Variants in FOXN3 observed in about 807,000 individuals in gnomAD.
FOXN3 encodes the protein forkhead box protein N3.
In FOXN3, 7 loss-of-function variants were observed where a neutral mutation model predicts 38.4. The observed-to-expected ratio is 0.18, with a 90% CI of 0.10 to 0.34. FOXN3 has a LOEUF of 0.34. Ranked by LOEUF, FOXN3 falls within the 10% of genes least tolerant of loss-of-function variation. The pLI, the probability that FOXN3 is intolerant of heterozygous loss-of-function variation, is 1.00. For missense variants in FOXN3, 456 were observed against 613.4 expected, an observed-to-expected ratio of 0.74 and a Z score of 2.71; for synonymous variants, 230 against 242.2, an observed-to-expected ratio of 0.95 and a Z score of 0.47.
intron 2 of FOXN3, among the ~76,000 whole-genome samples, chr14:89,390,309 C>CTA (rs200583711): frequency 0.039 from 4,953 of 127,960 alleles, 101 homozygotes; most frequent in Non-Finnish European, 0.05. Context: ...CTCTCTCTCT[C>CTA]TCTCTATATA....
At chr14:89,389,136 C>A (rs999403961) in intron 2 of FOXN3, among the ~76,000 whole-genome samples, 2 of 152,060 alleles carry the variant, frequency 1.3e-5, no homozygotes, top group African/African-American at 4.8e-5. Context: ...AACTTACAGG[C>A]CCGTTTGGGA....
intron 3 of FOXN3, among the ~76,000 whole-genome samples, chr14:89,346,755 G>A (rs867467137): frequency 3.3e-5 from 5 of 152,072 alleles, no homozygotes; most frequent in African/African-American, 9.7e-5. Flanking sequence ...GGAGAGTTCC[G>A]TCCCACCTCT....
At chr14:89,274,727 A>C (rs1214862584) in intron 4 of FOXN3, among the ~76,000 whole-genome samples, 1 of 152,194 alleles carries the variant, frequency 6.6e-6, no homozygotes, top group Admixed American at 6.5e-5. Flanking sequence ...ACAGCTTGGT[A>C]CTTGTGAGCT....
chr14:89,558,106 T>G (rs1265312916), intron 1 of FOXN3, among the ~76,000 whole-genome samples: 1 of 152,056 alleles, frequency 6.6e-6, no homozygotes, highest in Non-Finnish European at 1.5e-5. Context: ...TAAAATTACT[T>G]TAAAATAGAG....
At chr14:89,226,278 G>A (rs1414173240) in intron 4 of FOXN3, among the ~76,000 whole-genome samples, 1 of 152,052 alleles carries the variant, frequency 6.6e-6, no homozygotes, top group Non-Finnish European at 1.5e-5. Flanking sequence ...AGGCTGGGGT[G>A]CATTTGGTGT....
At chr14:89,335,659 A>C (rs547238352) in intron 3 of FOXN3, among the ~76,000 whole-genome samples, 23 of 152,370 alleles carry the variant, frequency 1.5e-4, no homozygotes, top group Non-Finnish European at 2.4e-4. Flanking sequence ...CTTCAATATC[A>C]AATAAAAGGA....
intron 1 of FOXN3, among the ~76,000 whole-genome samples, chr14:89,445,236 T>C (rs1892469942): frequency 6.6e-6 from 1 of 152,204 alleles, no homozygotes; most frequent in South Asian, 2.1e-4. Context: ...ACTTCTGAAC[T>C]TGAGTTCCCC....
intron 4 of FOXN3, chr14:89,230,681 T>C: frequency 4.1e-6 from 1 of 241,136 alleles, no homozygotes; most frequent in Non-Finnish European, 8.8e-6. Flanking sequence ...TGTGTCTGTT[T>C]CCTTCACTGA....
chr14:89,407,997 T>G (rs1018824464), intron 2 of FOXN3, among the ~76,000 whole-genome samples: 7 of 152,322 alleles, frequency 4.6e-5, no homozygotes, highest in Non-Finnish European at 7.3e-5. Context: ...TTTCCGTGAT[T>G]CAAAAATAAA....
intron 1 of FOXN3, among the ~76,000 whole-genome samples, chr14:89,524,353 G>A (rs1245603289): frequency 2.3e-5 from 2 of 85,310 alleles, no homozygotes; most frequent in African/African-American, 4.4e-5. Flanking sequence ...CCAGCCTGGC[G>A]ACAGCAAGAC....
intron 3 of FOXN3, among the ~76,000 whole-genome samples, chr14:89,310,581 C>T (rs1185579207): frequency 6.6e-6 from 1 of 152,172 alleles, no homozygotes; most frequent in Non-Finnish European, 1.5e-5. Context: ...TTACCTCTTC[C>T]ACTGCCTTTA....
intron 1 of FOXN3, among the ~76,000 whole-genome samples, chr14:89,522,003 G>GA (rs1346807017): frequency 9.7e-5 from 14 of 144,788 alleles, no homozygotes; most frequent in Non-Finnish European, 1.4e-4. Context: ...CTGGATGACA[G>GA]AATGAGACCC....
intron 4 of FOXN3, among the ~76,000 whole-genome samples, chr14:89,245,532 G>T: frequency 6.6e-6 from 1 of 151,678 alleles, no homozygotes; most frequent in East Asian, 1.9e-4. Flanking sequence ...CTTTAACTGG[G>T]TATTTCTTGT....
chr14:89,253,677 A>G (rs1407463468), intron 4 of FOXN3, among the ~76,000 whole-genome samples: 2 of 152,254 alleles, frequency 1.3e-5, no homozygotes, highest in East Asian at 3.9e-4. Context: ...ATGTACAGAC[A>G]TATGTGTCTA....
intron 4 of FOXN3, among the ~76,000 whole-genome samples, chr14:89,241,077 C>T (rs1207676033): frequency 6.6e-6 from 1 of 152,172 alleles, no homozygotes. Flanking sequence ...TTCCAATTAG[C>T]GCTACCCCCC....
chr14:89,295,552 C>T (rs1349753732), intron 3 of FOXN3, among the ~76,000 whole-genome samples: 1 of 152,108 alleles, frequency 6.6e-6, no homozygotes, highest in Non-Finnish European at 1.5e-5. Context: ...GCACCTCCTA[C>T]ACAGAATTAT....
intron 4 of FOXN3, among the ~76,000 whole-genome samples, chr14:89,182,633 G>A (rs1315115970): frequency 6.6e-6 from 1 of 152,148 alleles, no homozygotes; most frequent in Non-Finnish European, 1.5e-5. Context: ...GGTATGCAGC[G>A]AATTATCATG....
intron 4 of FOXN3, among the ~76,000 whole-genome samples, chr14:89,201,348 C>A (rs1266266410): frequency 1.3e-5 from 2 of 152,182 alleles, no homozygotes; most frequent in African/African-American, 2.4e-5. Flanking sequence ...GCGATTAATG[C>A]CGAAGCCCTC....
At chr14:89,428,377 G>A (rs1400509057) in intron 1 of FOXN3, among the ~76,000 whole-genome samples, 4 of 152,126 alleles carry the variant, frequency 2.6e-5, no homozygotes, top group Non-Finnish European at 5.9e-5. Context: ...TTGAGGTTGA[G>A]GTGCAGGCAA....
Sources: gnomAD v4.1 joint callset for allele counts (sites outside exome capture counted in the v4.1 genomes callset) on GRCh38, gnomAD v4.1.1 for gene constraint, MANE v1.5 for transcripts, NCBI Gene and HGNC (gene_info 2026-07-23, HGNC 2026-07-21) for gene names.